Variants in ATP7B observed in about 807,000 individuals in gnomAD.
ATP7B encodes ATPase copper transporting beta.
ATP7B carries 113 observed loss-of-function variants against 118.9 expected under a neutral mutation model. The observed-to-expected ratio is 0.95, with a 90% confidence interval of 0.82 to 1.11. ATP7B has a LOEUF of 1.11. ATP7B is among the 50% of genes most tolerant of loss of function. The probability of loss-of-function intolerance (pLI) is 0.00; values close to 1 mark genes in which losing one functional copy is unlikely to be tolerated. For missense variants in ATP7B, 1,867 were observed against 1,871.4 expected, an observed-to-expected ratio of 1.00 and a Z score of 0.04; for synonymous variants, 777 against 727.4, an observed-to-expected ratio of 1.07 and a Z score of -1.10.
At chr13:51,994,257 A>G (rs1041779668) in intron 1 of ATP7B, among the ~76,000 whole-genome samples, 11 of 152,340 alleles carry the variant, frequency 7.2e-5, no homozygotes, top group African/African-American at 2.6e-4. Flanking sequence ...ATACAGTTTA[A>G]AGAGACATAA....
chr13:52,012,074 C>A, upstream of ATP7B: 1 of 490,350 alleles, frequency 2.0e-6, no homozygotes, highest in East Asian at 3.8e-5. Context: ...CAACGGGCGG[C>A]GGGCTTTGGG....
At chr13:52,011,554 T>C (rs907188557), upstream of ATP7B, 24 of 644,056 alleles carry the variant, frequency 3.7e-5, no homozygotes, top group Admixed American at 5.3e-4. Context: ...GATTCAAAGT[T>C]GCGCGCCGCC....
intron 20 of ATP7B, 54 bp downstream of exon 20, chr13:51,935,539 A>G (rs528827978): frequency 6.5e-7 from 1 of 1,540,090 alleles, no homozygotes; most frequent in Non-Finnish European, 8.9e-7. Context: ...AAGCATGCAG[A>G]ATGACAAGGC....
intron 4 of ATP7B, among the ~76,000 whole-genome samples, chr13:51,966,234 G>T (rs1049819923): frequency 6.6e-6 from 1 of 152,168 alleles, no homozygotes; most frequent in Non-Finnish European, 1.5e-5. Flanking sequence ...TCTCAAAACC[G>T]CAGTACTGAG....
Position 51,975,013 on chromosome 13 carries a change from G to A in ATP7B, c.207C>T (p.Cys69=). 6.2e-7 allele frequency: 1 copy of A among 1,614,152 alleles called. No homozygotes were observed. The highest frequency in any genetic ancestry group is 8.5e-7 in the Non-Finnish European group (1 of 1,180,030). The part of the protein sequence containing the change: ...TSTVRILGMT[C]QSCVKSIEDR... Reference sequence around the variant, plus strand: ...CCTCAATGGACTTCACACATGACTGGCAAGTCATGCCCAAGATCCTGACTG... The same window carrying A: ...CCTCAATGGACTTCACACATGACTGACAAGTCATGCCCAAGATCCTGACTG... Residue 69 remains cysteine, a synonymous_variant, in exon 2 of 21, where the codon TGC becomes TGT. Coordinates refer to ENST00000242839, the MANE Select transcript of ATP7B (RefSeq NM_000053.4).
intron 13 of ATP7B, 47 bp from the exon 14 acceptor site, chr13:51,944,338 G>A: frequency 6.2e-7 from 1 of 1,608,724 alleles, no homozygotes; most frequent in African/African-American, 1.3e-5. Flanking sequence ...AGATGGAGGG[G>A]CTTCCATAGT....
intron 1 of ATP7B, among the ~76,000 whole-genome samples, chr13:51,979,529 G>A (rs1042568947): frequency 5.3e-5 from 8 of 152,214 alleles, no homozygotes; most frequent in African/African-American, 1.9e-4. Flanking sequence ...TCAGAACAGT[G>A]ACTTGATTGT....
At chr13:51,995,824 C>T (rs978391917) in intron 1 of ATP7B, among the ~76,000 whole-genome samples, 2 of 152,170 alleles carry the variant, frequency 1.3e-5, no homozygotes, top group African/African-American at 4.8e-5. Flanking sequence ...ACTCAACACA[C>T]TGTGTGCAGC....
chr13:51,998,551 A>G (rs571588845), intron 1 of ATP7B, among the ~76,000 whole-genome samples: 8 of 152,268 alleles, frequency 5.3e-5, no homozygotes, highest in African/African-American at 1.9e-4. Context: ...GGCAAACTCT[A>G]TCAGTCCCTC....
At chr13:51,944,525 A>AG (rs1957533437) in intron 13 of ATP7B, among the ~76,000 whole-genome samples, 1 of 152,206 alleles carries the variant, frequency 6.6e-6, no homozygotes, top group Admixed American at 6.5e-5. Flanking sequence ...GACCTTGACC[A>AG]GGCAAAGCCA....
At chr13:52,011,828 G>C (rs558033089), upstream of ATP7B, among the ~76,000 whole-genome samples, 2 of 152,374 alleles carry the variant, frequency 1.3e-5, no homozygotes, top group African/African-American at 2.4e-5. Context: ...GTGCGGGAGC[G>C]GGAGGGCAGG....
intron 9 of ATP7B, 84 bp downstream of exon 9, chr13:51,957,432 A>G (rs2139491676): frequency 7.4e-7 from 1 of 1,358,344 alleles, no homozygotes; most frequent in East Asian, 2.3e-5. Flanking sequence ...GTCTATTGCA[A>G]TGTCAATACA....
chr13:51,961,001 C>A (rs1958700288), intron 6 of ATP7B, among the ~76,000 whole-genome samples: 1 of 152,030 alleles, frequency 6.6e-6, no homozygotes, highest in African/African-American at 2.4e-5. Context: ...AAGAACCAGA[C>A]CCCCAACTGG....
At chr13:51,961,971 G>T in intron 5 of ATP7B, 58 bp from the exon 6 acceptor site, 2 of 1,441,558 alleles carry the variant, frequency 1.4e-6, no homozygotes, top group Non-Finnish European at 2.0e-6. Context: ...GTTAAAATAT[G>T]CATTGGCAGA....
At position 51,967,217 on chromosome 13, in the gene ATP7B, C is replaced by A. The variant is rs973758211; in HGVS notation, c.1707+1227G>T. The A allele has an allele frequency of 5.9e-5, 64 of 1,080,764 alleles. No individual in the cohort carries two copies. The African/African-American group carries it at 6.6e-4, about 11-fold the overall frequency. 66.9% of individuals were successfully genotyped at this position (1,080,764 alleles called of 1,614,324 possible). A position where few individuals can be genotyped will look rare whatever the true frequency, so the allele number is the denominator to read the frequency against. ...ACCAAGCTCAGTTCAATGAGCAAAT[C>A]TCCATACTGTTTCTTTCTTTTTTTT... On this transcript the variant is annotated intron_variant, in intron 4 of 20. Coordinates refer to ENST00000242839, the MANE Select transcript of ATP7B (RefSeq NM_000053.4).
At chr13:51,978,355 T>C (rs1316139574) in intron 1 of ATP7B, among the ~76,000 whole-genome samples, 3 of 152,188 alleles carry the variant, frequency 2.0e-5, no homozygotes, top group Non-Finnish European at 4.4e-5. Flanking sequence ...TTAAAATACA[T>C]GGGAAAATAT....
chr13:51,958,251 AG>A (rs1272945078), intron 8 of ATP7B, 59 bp downstream of exon 8: 4 of 1,539,420 alleles, frequency 2.6e-6, no homozygotes. Context: ...TGGTGTTCAG[AG>A]GAAGTGAGAT....
chr13:51,957,637 G>T, intron 8 of ATP7B, 30 bp from the exon 9 acceptor site: 1 of 1,601,340 alleles, frequency 6.2e-7, no homozygotes, highest in African/African-American at 1.3e-5. Flanking sequence ...TGAAATGAGA[G>T]CTATCGAAAG....
In ATP7B at chr13:51,974,024, G is replaced by A; in HGVS notation, c.1196C>T (p.Ala399Val). 1 of 1,614,246 alleles carries A rather than the reference G, an allele frequency of 6.2e-7. No homozygotes were observed. The highest frequency in any genetic ancestry group is 2.2e-5 in the East Asian group (1 of 44,890). ...TACAGAGGGATTATAAAGAACTGTT[G>A]CAGTCCCTTCGGCCAAAGACACCGA... ...QISVSLAEGTATVLYNPSVIS... is the reference protein window; with the variant it reads ...QISVSLAEGTVTVLYNPSVIS... Residue 399 changes from alanine to valine, a missense_variant, in exon 2 of 21, where the codon GCA (alanine) becomes GTA (valine). Ala to Val is a moderately conservative substitution (Grantham distance 64). Transcript: ENST00000242839.
Sources: gnomAD v4.1 joint callset for allele counts (sites outside exome capture counted in the v4.1 genomes callset) on GRCh38, gnomAD v4.1.1 for gene constraint, MANE v1.5 for transcripts, NCBI Gene and HGNC (gene_info 2026-07-23, HGNC 2026-07-21) for gene names.